The following NTM variants were observed in gnomAD, a reference collection of about 807,000 sequenced individuals.
NTM encodes IgLON family member 2.
Under a neutral mutation model 42.1 loss-of-function variants are expected in NTM, and 13 were observed. That is an observed-to-expected ratio of 0.31 (90% CI 0.20 to 0.49). The LOEUF (loss-of-function observed/expected upper bound fraction) is 0.49. Among genes scored for constraint, NTM ranks in the 20% least tolerant of loss-of-function variants. NTM has a pLI of 0.99. For missense variants in NTM, 373 were observed against 452.8 expected (o/e 0.82, Z 1.60); for synonymous variants, 187 against 179.2 (o/e 1.04, Z -0.35).
intron 2 of NTM, among the ~76,000 whole-genome samples, chr11:132,010,193 G>A (rs1342145925): frequency 1.3e-5 from 2 of 152,178 alleles, no homozygotes; most frequent in Admixed American, 1.3e-4. Flanking sequence ...TTGGAACTAA[G>A]TGTTTCAGAA....
rs202100364 is a variant in NTM, at chr11:131,957,864, T to TTG, written c.167+46230_167+46231dup. On this transcript the variant is annotated intron_variant, in intron 2 of 8. Transcript: ENST00000683400. ...TCGAGATAGATGGATGAATAGGTGG[T>TTG]TGTGTGTGTGTGTGTATTATATATA... Among the ~76,000 whole-genome samples, 900 of 149,480 alleles carry TTG rather than the reference T, an allele frequency of 6.0e-3. 6 individuals carry two copies. The highest frequency in any genetic ancestry group is 0.017 in the African/African-American group (713 of 40,864).
intron 3 of NTM, among the ~76,000 whole-genome samples, chr11:132,197,465 T>C (rs1256469626): frequency 6.9e-6 from 1 of 145,966 alleles, no homozygotes; most frequent in East Asian, 1.9e-4. Context: ...TTAGGTATTG[T>C]TTTTTTTTTA....
At chr11:131,829,801 T>A (rs955316081) in intron 1 of NTM, among the ~76,000 whole-genome samples, 3 of 152,154 alleles carry the variant, frequency 2.0e-5, no homozygotes, top group Non-Finnish European at 4.4e-5. Flanking sequence ...CTCATCATAG[T>A]GTATAAGCAT....
At chr11:132,318,224 G>A (rs570357155) in intron 7 of NTM, among the ~76,000 whole-genome samples, 23 of 152,288 alleles carry the variant, frequency 1.5e-4, no homozygotes, top group African/African-American at 4.3e-4. Flanking sequence ...AGGGCCTGAC[G>A]TCCAGTAGCT....
chr11:131,568,021 G>A (rs186660057), intron 1 of NTM, among the ~76,000 whole-genome samples: 24 of 152,296 alleles, frequency 1.6e-4, no homozygotes, highest in East Asian at 1.2e-3. Flanking sequence ...TACTGAAACC[G>A]CATCATCAGC....
intron 2 of NTM, among the ~76,000 whole-genome samples, chr11:131,967,888 A>T (rs539326734): frequency 4.1e-4 from 62 of 152,290 alleles, no homozygotes; most frequent in Admixed American, 1.6e-3. Context: ...GCATGTTCAG[A>T]ATCTGAGAGG....
rs1220541522 is a variant in NTM, at chr11:131,789,437, A to G, written c.83-122127A>G. On this transcript the variant is annotated intron_variant, in intron 1 of 8. Transcript: ENST00000683400. ...AAAGAAAAAAAGAAGAAGGAAGAAG[A>G]AGAAGAAGAAGAAGAAGAAGAAGAA... 6.7e-4 allele frequency among the ~76,000 whole-genome samples: 6 copies of G among 8,924 alleles called. 1 individual carries two copies. Among genetic ancestry groups the G allele is most frequent in the African/African-American group, 2.6e-3 (6 of 2,298 alleles). The allele number at this position is 8,924 out of a possible 152,430, so 5.9% of individuals were successfully genotyped here.
chr11:131,480,726 G>A (rs950251435), intron 1 of NTM, among the ~76,000 whole-genome samples: 27 of 152,102 alleles, frequency 1.8e-4, no homozygotes, highest in African/African-American at 5.3e-4. Context: ...GTAAGGGGGC[G>A]TGGGAGGTAA....
At chr11:131,929,324 G>GGGAT (rs1555180712) in intron 2 of NTM, among the ~76,000 whole-genome samples, 1 of 141,070 alleles carries the variant, frequency 7.1e-6, no homozygotes, top group Non-Finnish European at 1.6e-5. Flanking sequence ...CTGAACCAAC[G>GGGAT]GGGGGGCACA....
At chr11:131,482,681 T>A (rs1953733285) in intron 1 of NTM, among the ~76,000 whole-genome samples, 1 of 152,204 alleles carries the variant, frequency 6.6e-6, no homozygotes, top group South Asian at 2.1e-4. Context: ...CAAAAGAGAT[T>A]TAACCTCCAA....
In NTM at chr11:132,336,504, G is replaced by A. The variant is rs775788971; in HGVS notation, c.*1358G>A. 6.6e-6 allele frequency: 1 copy of A among 152,598 alleles called. No homozygotes were observed. The highest frequency in any genetic ancestry group is 1.5e-5 in the Non-Finnish European group (1 of 68,042). The allele number at this position is 152,598 out of a possible 1,614,324, so 9.5% of individuals were successfully genotyped here. ...TTCTGCCCTGTGGCGTTAACAGACA[G>A]CAAGCAGCTGAACAAGCAGTACCGT... On this transcript the variant is annotated 3_prime_UTR_variant, in exon 9 of 9. Transcript: ENST00000683400.
chr11:132,210,952 T>G (rs2138651477), intron 3 of NTM, among the ~76,000 whole-genome samples: 1 of 151,716 alleles, frequency 6.6e-6, no homozygotes, highest in East Asian at 1.9e-4. Flanking sequence ...AGAAAGAAGG[T>G]GGGGGAGAGA....
At chr11:131,634,987 G>T (rs1277142653) in intron 1 of NTM, among the ~76,000 whole-genome samples, 1 of 152,072 alleles carries the variant, frequency 6.6e-6, no homozygotes, top group African/African-American at 2.4e-5. Context: ...ATTTAGTCTT[G>T]CAACAAATAA....
chr11:131,921,232 A>C (rs1258812622), intron 2 of NTM, among the ~76,000 whole-genome samples: 2 of 152,212 alleles, frequency 1.3e-5, no homozygotes, highest in African/African-American at 4.8e-5. Flanking sequence ...TAATTAGCTA[A>C]GGTGAGGTCA....
intron 1 of NTM, among the ~76,000 whole-genome samples, chr11:131,644,466 A>T (rs2065523324): frequency 6.6e-6 from 1 of 152,172 alleles, no homozygotes; most frequent in African/African-American, 2.4e-5. Flanking sequence ...TCTCATGGCC[A>T]GCAAACCGTA....
chr11:132,253,207 C>G (rs1307045038), intron 4 of NTM, among the ~76,000 whole-genome samples: 2 of 152,086 alleles, frequency 1.3e-5, no homozygotes, highest in Admixed American at 1.3e-4. Flanking sequence ...ATGATAATGA[C>G]CCCCCATTTA....
intron 1 of NTM, among the ~76,000 whole-genome samples, chr11:131,389,400 G>A (rs978843725): frequency 1.3e-5 from 2 of 152,190 alleles, no homozygotes; most frequent in South Asian, 2.1e-4. Context: ...TCGGCAAAGC[G>A]GCAGCCTGGC....
chr11:131,408,546 G>T (rs1946057173), intron 1 of NTM, among the ~76,000 whole-genome samples: 1 of 152,154 alleles, frequency 6.6e-6, no homozygotes, highest in African/African-American at 2.4e-5. Flanking sequence ...TGGGCAAAAA[G>T]AATTGCCACT....
chr11:132,227,656 A>T (rs1156583057), intron 4 of NTM, among the ~76,000 whole-genome samples: 1 of 152,116 alleles, frequency 6.6e-6, no homozygotes, highest in Non-Finnish European at 1.5e-5. Flanking sequence ...AGCAATCTAT[A>T]CATTTTGATC....
Sources: gnomAD v4.1 joint callset for allele counts (sites outside exome capture counted in the v4.1 genomes callset) on GRCh38, gnomAD v4.1.1 for gene constraint, MANE v1.5 for transcripts, NCBI Gene and HGNC (gene_info 2026-07-23, HGNC 2026-07-21) for gene names.